The following PABPC4L variants were observed in gnomAD, a reference collection of about 807,000 sequenced individuals.
PABPC4L encodes the protein polyadenylate-binding protein 4-like.
For missense variants in PABPC4L, 452 were observed against 451.4 expected (o/e 1.00, Z -0.01); for synonymous variants, 169 against 164.1 (o/e 1.03, Z -0.23).
At chr4:134,161,988 T>G in the PABPC4L span, among the ~76,000 whole-genome samples, 1 of 152,152 alleles carries the variant, frequency 6.6e-6, no homozygotes, top group African/African-American at 2.4e-5. Flanking sequence ...TTTTTTCTTT[T>G]GTTTTCAGTG....
At chr4:134,039,399 A>C in the PABPC4L span, among the ~76,000 whole-genome samples, 3 of 152,122 alleles carry the variant, frequency 2.0e-5, no homozygotes, top group African/African-American at 4.8e-5. Flanking sequence ...TGTTTCATTG[A>C]TCTGTCTAAT....
At chr4:134,103,446 T>C in the PABPC4L span, among the ~76,000 whole-genome samples, 7 of 151,778 alleles carry the variant, frequency 4.6e-5, no homozygotes, top group African/African-American at 1.7e-4. Context: ...CATCTCGTCT[T>C]GTAGATGGCC....
the PABPC4L span, among the ~76,000 whole-genome samples, chr4:133,969,462 A>G: frequency 1.3e-5 from 2 of 152,168 alleles, no homozygotes; most frequent in Non-Finnish European, 2.9e-5. Context: ...TCTCCCAGTC[A>G]CTAACTTTTA....
the PABPC4L span, among the ~76,000 whole-genome samples, chr4:134,137,121 A>G: frequency 1.3e-5 from 2 of 152,030 alleles, no homozygotes; most frequent in South Asian, 2.1e-4. Context: ...TACCCAGTTT[A>G]AGAATAGCCC....
At chr4:133,993,666 C>A in the PABPC4L span, among the ~76,000 whole-genome samples, 1 of 152,086 alleles carries the variant, frequency 6.6e-6, no homozygotes, top group African/African-American at 2.4e-5. Flanking sequence ...ATATGTTTAG[C>A]TAGTCTTTGG....
the PABPC4L span, among the ~76,000 whole-genome samples, chr4:134,171,695 C>T: frequency 0.013 from 1,922 of 152,140 alleles, 40 homozygotes; most frequent in African/African-American, 0.041. Context: ...AAATGAAAGG[C>T]ATCTAAATAG....
chr4:134,145,292 A>G, the PABPC4L span, among the ~76,000 whole-genome samples: 1 of 151,860 alleles, frequency 6.6e-6, no homozygotes, highest in Non-Finnish European at 1.5e-5. Context: ...GAAACCAAAT[A>G]AAACTAATTA....
chr4:134,025,305 C>CAAAAAAAAAAAA, the PABPC4L span, among the ~76,000 whole-genome samples: 1 of 45,640 alleles, frequency 2.2e-5, no homozygotes, highest in Non-Finnish European at 4.5e-5. Context: ...GAATTCATCT[C>CAAAAAAAAAAAA]AAAAAAAAAA....
the PABPC4L span, among the ~76,000 whole-genome samples, chr4:134,011,872 A>G: frequency 6.6e-6 from 1 of 152,134 alleles, no homozygotes; most frequent in South Asian, 2.1e-4. Flanking sequence ...ATTTACACTT[A>G]GATGTTCATC....
chr4:134,088,236 T>A, the PABPC4L span, among the ~76,000 whole-genome samples: 2 of 152,088 alleles, frequency 1.3e-5, no homozygotes, highest in South Asian at 2.1e-4. Flanking sequence ...AGTTTTAAAA[T>A]CATGTGGCCT....
the PABPC4L span, among the ~76,000 whole-genome samples, chr4:134,059,290 C>G: frequency 2.8e-4 from 42 of 148,304 alleles, no homozygotes; most frequent in African/African-American, 3.7e-4. Context: ...AAAGGTTCGT[C>G]GGAAAGTTGA....
the PABPC4L span, among the ~76,000 whole-genome samples, chr4:134,041,853 GA>G: frequency 6.6e-6 from 1 of 152,078 alleles, no homozygotes; most frequent in South Asian, 2.1e-4. Context: ...AATCTCTATG[GA>G]AAACAGCATG....
chr4:134,100,125 A>G, the PABPC4L span, among the ~76,000 whole-genome samples: 1 of 151,592 alleles, frequency 6.6e-6, no homozygotes. Context: ...GATCTCCCTT[A>G]TTGCTTTGGA....
At chr4:134,116,443 T>C in the PABPC4L span, among the ~76,000 whole-genome samples, 1 of 151,794 alleles carries the variant, frequency 6.6e-6, no homozygotes, top group African/African-American at 2.4e-5. Context: ...ACTCAAAAAC[T>C]TATTAGAAAA....
chr4:134,134,810 G>A, the PABPC4L span, among the ~76,000 whole-genome samples: 4 of 151,546 alleles, frequency 2.6e-5, no homozygotes, highest in Non-Finnish European at 5.9e-5. Context: ...AACAGAAAGT[G>A]GTTCTTTCTT....
At chr4:134,191,328 A>C in the PABPC4L span, among the ~76,000 whole-genome samples, 1 of 152,122 alleles carries the variant, frequency 6.6e-6, no homozygotes, top group Non-Finnish European at 1.5e-5. Flanking sequence ...GAACAACAGT[A>C]TATACCAACT....
At chr4:133,991,020 G>A in the PABPC4L span, among the ~76,000 whole-genome samples, 1 of 151,866 alleles carries the variant, frequency 6.6e-6, no homozygotes, top group South Asian at 2.1e-4. Flanking sequence ...TGTTTGTTTT[G>A]CATCAGGTTT....
chr4:133,990,219 A>G, the PABPC4L span, among the ~76,000 whole-genome samples: 6 of 152,228 alleles, frequency 3.9e-5, no homozygotes, highest in Middle Eastern at 0.01. Context: ...AAGCAAGTCT[A>G]TTGACTCCAT....
the PABPC4L span, among the ~76,000 whole-genome samples, chr4:133,990,124 C>A: frequency 6.6e-6 from 1 of 152,072 alleles, no homozygotes; most frequent in South Asian, 2.1e-4. Flanking sequence ...ACAGCCAAAT[C>A]ATATCATACT....
Sources: allele counts gnomAD v4.1 joint callset (sites outside exome capture counted in the v4.1 genomes callset), GRCh38; gene constraint gnomAD v4.1.1; transcripts MANE v1.5; gene names NCBI Gene and HGNC (gene_info 2026-07-23, HGNC 2026-07-21).